The following NEGR1 variants were observed in gnomAD, a reference collection of about 807,000 sequenced individuals.
NEGR1 encodes neuronal growth regulator 1.
In NEGR1, 10 loss-of-function variants were observed where a neutral mutation model predicts 40.9. The observed-to-expected ratio is 0.24, with a 90% CI of 0.15 to 0.42. The LOEUF is 0.42. NEGR1 is among the 10% of genes least tolerant of loss of function. NEGR1 has a pLI of 1.00. For synonymous variants in NEGR1, 185 were observed against 166.8 expected, an observed-to-expected ratio of 1.11 and a Z score of -0.84; for missense variants, 352 against 438.9, an observed-to-expected ratio of 0.80 and a Z score of 1.77.
At chr1:72,016,216 TA>T (rs1010503552) in intron 1 of NEGR1, among the ~76,000 whole-genome samples, 47 of 152,224 alleles carry the variant, frequency 3.1e-4, no homozygotes, top group Middle Eastern at 6.8e-3. Flanking sequence ...TGAAATGTGT[TA>T]AAAAAATATA....
intron 1 of NEGR1, among the ~76,000 whole-genome samples, chr1:72,114,201 G>T (rs2821243): frequency 0.98 from 148,352 of 151,628 alleles, 72,593 homozygotes; most frequent in Middle Eastern, 1. Flanking sequence ...TTTAAATCAG[G>T]AGACTTTAAG....
intron 2 of NEGR1, among the ~76,000 whole-genome samples, chr1:71,867,412 T>C (rs1193765347): frequency 6.6e-6 from 1 of 152,160 alleles, no homozygotes; most frequent in Non-Finnish European, 1.5e-5. Flanking sequence ...CTGGAATGGA[T>C]AGCATTAATC....
At chr1:72,158,392 T>C (rs1416117213) in intron 1 of NEGR1, among the ~76,000 whole-genome samples, 1 of 152,170 alleles carries the variant, frequency 6.6e-6, no homozygotes, top group Non-Finnish European at 1.5e-5. Flanking sequence ...CCAGCTGCCC[T>C]ATGGCAGGCT....
At chr1:72,120,937 A>G (rs947700552) in intron 1 of NEGR1, among the ~76,000 whole-genome samples, 4 of 152,074 alleles carry the variant, frequency 2.6e-5, no homozygotes, top group African/African-American at 9.7e-5. Context: ...AAGGATCAGT[A>G]ATGAAGGTGC....
At chr1:71,918,085 C>G (rs1356477916) in intron 2 of NEGR1, among the ~76,000 whole-genome samples, 1 of 149,328 alleles carries the variant, frequency 6.7e-6, no homozygotes, top group Admixed American at 6.7e-5. Context: ...GGCATGGTGG[C>G]GGGTGCCTGT....
chr1:71,801,631 T>A (rs957179780), intron 2 of NEGR1, among the ~76,000 whole-genome samples: 1 of 152,190 alleles, frequency 6.6e-6, no homozygotes. Flanking sequence ...ACTCCACATA[T>A]ATTATCAGAA....
chr1:71,961,210 A>G (rs1314469565), intron 1 of NEGR1, among the ~76,000 whole-genome samples: 3 of 152,188 alleles, frequency 2.0e-5, no homozygotes, highest in Admixed American at 6.5e-5. Flanking sequence ...GCCCATTAAT[A>G]ACTACTTTCA....
intron 1 of NEGR1, among the ~76,000 whole-genome samples, chr1:72,257,622 G>A (rs1218244668): frequency 6.6e-6 from 1 of 151,970 alleles, no homozygotes; most frequent in African/African-American, 2.4e-5. Context: ...AAAGTGAAGG[G>A]GCAAAAGGAG....
chr1:71,930,261 C>T lies in NEGR1; in HGVS notation c.409+4818G>A, dbSNP rs1033543723. ...CAAAGAGATGTTCCTTATACCTCAC[C>T]GTGATGCTCTGAGATAGCTCATGGC... On this transcript the variant is annotated intron_variant, in intron 2 of 6. Transcript: ENST00000357731. Among the ~76,000 whole-genome samples, 8 of 152,006 alleles carry T rather than the reference C, an allele frequency of 5.3e-5. No homozygotes were observed. In the South Asian group the frequency reaches 6.2e-4, roughly 12 times the overall value.
At chr1:71,669,222 T>C (rs1163414085) in intron 4 of NEGR1, among the ~76,000 whole-genome samples, 3 of 152,146 alleles carry the variant, frequency 2.0e-5, no homozygotes, top group Admixed American at 2.0e-4. Flanking sequence ...TCATGTTTCA[T>C]GATCTATCTC....
chr1:71,583,611 T>C (rs1366902410), intron 6 of NEGR1, among the ~76,000 whole-genome samples: 1 of 152,250 alleles, frequency 6.6e-6, no homozygotes, highest in Non-Finnish European at 1.5e-5. Flanking sequence ...ATCTACAGTT[T>C]GTATGCATAT....
At chr1:72,134,568 A>T (rs1294555406) in intron 1 of NEGR1, among the ~76,000 whole-genome samples, 3 of 151,754 alleles carry the variant, frequency 2.0e-5, no homozygotes, top group African/African-American at 7.3e-5. Context: ...TATATATACA[A>T]TGGCAATTTC....
intron 1 of NEGR1, among the ~76,000 whole-genome samples, chr1:71,983,078 C>A (rs1646367351): frequency 6.6e-6 from 1 of 152,138 alleles, no homozygotes; most frequent in African/African-American, 2.4e-5. Context: ...TCTTTTTAAA[C>A]TATATTTAAT....
At chr1:72,149,568 T>C (rs2100352243) in intron 1 of NEGR1, among the ~76,000 whole-genome samples, 1 of 152,128 alleles carries the variant, frequency 6.6e-6, no homozygotes, top group East Asian at 1.9e-4. Context: ...ATTAATTCAA[T>C]CTATAAAGTT....
At chr1:71,664,561 G>A (rs1045091505) in intron 4 of NEGR1, among the ~76,000 whole-genome samples, 1 of 151,996 alleles carries the variant, frequency 6.6e-6, no homozygotes, top group African/African-American at 2.4e-5. Context: ...GAAGAGAAGG[G>A]AGGGAGATGA....
At chr1:71,523,731 A>C (rs1471900895) in intron 6 of NEGR1, among the ~76,000 whole-genome samples, 1 of 151,862 alleles carries the variant, frequency 6.6e-6, no homozygotes, top group East Asian at 1.9e-4. Context: ...ATTAGAAATA[A>C]ATTAGGGTTA....
chr1:72,128,752 T>C (rs558638652), intron 1 of NEGR1, among the ~76,000 whole-genome samples: 2 of 152,120 alleles, frequency 1.3e-5, no homozygotes, highest in African/African-American at 2.4e-5. Flanking sequence ...TTGGTTAACA[T>C]TGCCCAAATA....
At chr1:71,866,691 T>G (rs1046107582) in intron 2 of NEGR1, among the ~76,000 whole-genome samples, 1 of 152,176 alleles carries the variant, frequency 6.6e-6, no homozygotes, top group African/African-American at 2.4e-5. Context: ...AGGGTAACTT[T>G]TATGTTTAGC....
intron 2 of NEGR1, among the ~76,000 whole-genome samples, chr1:71,923,659 T>C (rs1055288182): frequency 4.6e-5 from 7 of 151,954 alleles, no homozygotes; most frequent in African/African-American, 1.7e-4. Flanking sequence ...CCTTCTGGAG[T>C]TTCTAGAGGA....
Sources: allele counts gnomAD v4.1 joint callset (sites outside exome capture counted in the v4.1 genomes callset), GRCh38; gene constraint gnomAD v4.1.1; transcripts MANE v1.5; gene names NCBI Gene and HGNC (gene_info 2026-07-23, HGNC 2026-07-21).